ANO4: variants seen among roughly 807,000 people sequenced by gnomAD.
The protein encoded by ANO4 is anoctamin-4.
Under a neutral mutation model 141.9 loss-of-function variants are expected in ANO4, and 69 were observed. The ratio of observed to expected loss-of-function variants is 0.49; its 90% CI spans 0.40 to 0.59. ANO4 has a LOEUF of 0.59. ANO4 is among the 20% of genes least tolerant of loss of function. The pLI is 0.00. For missense variants in ANO4, 894 were observed against 1,162.2 expected, an observed-to-expected ratio of 0.77 and a Z score of 3.36; for synonymous variants, 350 against 394.3, an observed-to-expected ratio of 0.89 and a Z score of 1.33.
At position 101,118,836 on chromosome 12, in the gene ANO4, T is replaced by G. The variant is rs191741385; in HGVS notation, c.2571-1684T>G. On this transcript the variant is annotated intron_variant, in intron 25 of 27. Coordinates refer to ENST00000392977, the MANE Select transcript of ANO4 (RefSeq NM_001286615.2). ...GCACCCATTAACTCATCATTTACAT[T>G]AGGTATATCTCCTAATGCTATCCCT... Among the ~76,000 whole-genome samples, 80 of 151,798 alleles carry G rather than the reference T, an allele frequency of 5.3e-4. 1 individual carries two copies. Among genetic ancestry groups the G allele is most frequent in the African/African-American group, 1.8e-3 (76 of 41,458 alleles).
intron 8 of ANO4, among the ~76,000 whole-genome samples, chr12:100,997,108 G>A (rs2045415435): frequency 6.6e-6 from 1 of 152,076 alleles, no homozygotes; most frequent in Non-Finnish European, 1.5e-5. Context: ...GGCCGAGGCA[G>A]GCGGATCACG....
intron 26 of ANO4, among the ~76,000 whole-genome samples, chr12:101,125,407 T>C (rs2051268855): frequency 6.6e-6 from 1 of 152,116 alleles, no homozygotes; most frequent in Non-Finnish European, 1.5e-5. Context: ...TCAGGTCATC[T>C]GCAAAAAAAA....
intron 22 of ANO4, among the ~76,000 whole-genome samples, chr12:101,104,151 T>C (rs556507230): frequency 2.0e-5 from 3 of 152,110 alleles, no homozygotes; most frequent in South Asian, 4.1e-4. Context: ...CTTAGAGGTT[T>C]ATTAATCTTT....
intron 1 of ANO4, among the ~76,000 whole-genome samples, chr12:100,866,241 A>G (rs1174784737): frequency 1.3e-5 from 2 of 152,140 alleles, no homozygotes; most frequent in African/African-American, 4.8e-5. Flanking sequence ...CTATGGCTCT[A>G]TGTTGGATAA....
At position 100,976,436 on chromosome 12, in the gene ANO4, C is replaced by A. The variant is rs115374520; in HGVS notation, c.602+1547C>A. Reference sequence around the variant, plus strand: ...AAGCAGTTGACATGACATTTGGATTCACCATGATTTAGATTGCTACCTTGT... The same window carrying A: ...AAGCAGTTGACATGACATTTGGATTAACCATGATTTAGATTGCTACCTTGT... On this transcript the variant is annotated intron_variant, in intron 7 of 27. Coordinates refer to ENST00000392977, the MANE Select transcript of ANO4 (RefSeq NM_001286615.2). Among the ~76,000 whole-genome samples, 1,514 of 152,316 alleles carry A rather than the reference C, an allele frequency of 9.9e-3. 26 individuals are homozygous for A. The highest frequency in any genetic ancestry group is 0.035 in the African/African-American group (1,435 of 41,574).
intron 1 of ANO4, among the ~76,000 whole-genome samples, chr12:100,842,695 G>T (rs1034700359): frequency 7.2e-5 from 11 of 152,080 alleles, no homozygotes; most frequent in Non-Finnish European, 1.6e-4. Flanking sequence ...GGTGAGGGCT[G>T]TTCTCTGCTT....
chr12:100,830,362 A>G (rs1388099790), intron 1 of ANO4, among the ~76,000 whole-genome samples: 2 of 152,090 alleles, frequency 1.3e-5, no homozygotes, highest in African/African-American at 4.8e-5. Flanking sequence ...TAATTAGAAG[A>G]TGATTCTACA....
At chr12:101,012,906 A>G (rs1311701527) in intron 8 of ANO4, among the ~76,000 whole-genome samples, 1 of 152,160 alleles carries the variant, frequency 6.6e-6, no homozygotes, top group African/African-American at 2.4e-5. Flanking sequence ...AGGGTCAAGG[A>G]TGCATCTCAA....
intron 8 of ANO4, among the ~76,000 whole-genome samples, chr12:100,996,101 A>C (rs544891009): frequency 6.6e-6 from 1 of 152,302 alleles, no homozygotes; most frequent in African/African-American, 2.4e-5. Context: ...TTCTCTATCA[A>C]ACATTTTACG....
intron 9 of ANO4, among the ~76,000 whole-genome samples, chr12:101,026,496 G>A (rs1700353496): frequency 6.6e-6 from 1 of 152,102 alleles, no homozygotes; most frequent in Non-Finnish European, 1.5e-5. Context: ...CAAATTCCCA[G>A]AAGGTGTTTT....
chr12:100,927,231 G>A (rs1009920158), intron 3 of ANO4, among the ~76,000 whole-genome samples: 2 of 152,084 alleles, frequency 1.3e-5, no homozygotes, highest in African/African-American at 4.8e-5. Flanking sequence ...CAGGAAAGTG[G>A]GAGTGTCAGC....
In ANO4 at chr12:100,748,199, T is replaced by C. The variant is rs1430842270; in HGVS notation, c.358+8094T>C. 2.6e-5 allele frequency among the ~76,000 whole-genome samples: 4 copies of C among 152,210 alleles called. No individual in the cohort carries two copies. The East Asian group carries it at 7.7e-4, about 29-fold the overall frequency. ...GAATACCTTAGAAGAGGTGCCCATT[T>C]GATAGCATGAATTCAATGTCTTATA... On this transcript the variant is annotated intron_variant, in intron 3 of 29. Coordinates refer to the ANO4 transcript ENST00000644049.
At chr12:100,912,354 C>T in intron 2 of ANO4, among the ~76,000 whole-genome samples, 1 of 146,270 alleles carries the variant, frequency 6.8e-6, no homozygotes, top group Admixed American at 6.9e-5. Context: ...AAGATCATGC[C>T]ACTGCACTCC....
At chr12:100,735,079 G>C (rs983862608) in intron 2 of ANO4, among the ~76,000 whole-genome samples, 2 of 152,174 alleles carry the variant, frequency 1.3e-5, no homozygotes, top group African/African-American at 4.8e-5. Context: ...CTGCATTGCT[G>C]CCACCTTTCT....
At chr12:100,820,190 C>T (rs1056822882) in intron 1 of ANO4, among the ~76,000 whole-genome samples, 1 of 151,608 alleles carries the variant, frequency 6.6e-6, no homozygotes, top group Non-Finnish European at 1.5e-5. Flanking sequence ...AAGGGGGGGC[C>T]CTCCCACCTG....
chr12:101,111,394 C>G (rs955185683), intron 23 of ANO4, among the ~76,000 whole-genome samples, 169 bp from the exon 24 acceptor site: 2 of 152,176 alleles, frequency 1.3e-5, no homozygotes, highest in Admixed American at 6.5e-5. Flanking sequence ...TAGAAACTCC[C>G]TCAATGCCAA....
At chr12:100,719,256 A>C (rs980373296) in intron 1 of ANO4, among the ~76,000 whole-genome samples, 1 of 152,212 alleles carries the variant, frequency 6.6e-6, no homozygotes, top group East Asian at 1.9e-4. Flanking sequence ...AATGATGCAT[A>C]TACTTGGCCA....
intron 8 of ANO4, among the ~76,000 whole-genome samples, chr12:100,988,872 G>GAAAAAAAAAAAAAAAAAAAAA (rs748666892): frequency 1.8e-4 from 12 of 65,016 alleles, no homozygotes; most frequent in East Asian, 3.9e-4. Flanking sequence ...CTCTGTCTCA[G>GAAAAAAAAAAAAAAAAAAAAA]AAAAAAAAAA....
chr12:100,971,217 C>T, intron 5 of ANO4, 89 bp from the exon 6 acceptor site: 1 of 852,614 alleles, frequency 1.2e-6, no homozygotes, highest in Admixed American at 2.0e-5. Flanking sequence ...TAAACTCTGT[C>T]CAGGTCCATG....
Sources: gnomAD v4.1 joint callset for allele counts (sites outside exome capture counted in the v4.1 genomes callset) on GRCh38, gnomAD v4.1.1 for gene constraint, MANE v1.5 for transcripts, NCBI Gene and HGNC (gene_info 2026-07-23, HGNC 2026-07-21) for gene names.